The following CTNNA2 variants were observed in gnomAD, a reference collection of about 807,000 sequenced individuals.
The protein encoded by CTNNA2 is catenin alpha 2, also known as catenin alpha-2.
Under a neutral mutation model 101.0 loss-of-function variants are expected in CTNNA2, and 42 were observed. The observed-to-expected ratio is 0.42, with a 90% CI of 0.32 to 0.54. The LOEUF (loss-of-function observed/expected upper bound fraction) is 0.54. CTNNA2 is among the 20% of genes least tolerant of loss of function. The pLI is 0.14. For missense variants in CTNNA2, 871 were observed against 1,223.1 expected (o/e 0.71, Z 4.29); for synonymous variants, 450 against 456.4 (o/e 0.99, Z 0.18).
intron 7 of CTNNA2, among the ~76,000 whole-genome samples, chr2:80,316,065 A>T (rs1678090322): frequency 6.6e-6 from 1 of 152,180 alleles, no homozygotes; most frequent in Admixed American, 6.5e-5. Context: ...CTTTCTTAGA[A>T]TTGCTATCTT....
chr2:79,241,093 GT>G (rs1674619925), intron 2 of CTNNA2, among the ~76,000 whole-genome samples: 1 of 152,058 alleles, frequency 6.6e-6, no homozygotes, highest in Non-Finnish European at 1.5e-5. Context: ...GATTTTAAAA[GT>G]TTCACACACT....
intron 7 of CTNNA2, chr2:80,030,625 TAAAC>T (rs1378456917): frequency 2.6e-5 from 4 of 152,126 alleles, no homozygotes; most frequent in African/African-American, 9.7e-5. Context: ...AATTAAACAA[TAAAC>T]AAAATCAACA....
At chr2:80,317,673 T>G (rs1678261730) in intron 7 of CTNNA2, among the ~76,000 whole-genome samples, 1 of 152,162 alleles carries the variant, frequency 6.6e-6, no homozygotes, top group Admixed American at 6.5e-5. Context: ...GCTGTTTGCG[T>G]AGAAAAAGAA....
intron 2 of CTNNA2, among the ~76,000 whole-genome samples, chr2:79,671,327 G>A (rs1682823882): frequency 6.6e-6 from 1 of 152,196 alleles, no homozygotes; most frequent in Admixed American, 6.5e-5. Flanking sequence ...AGCATAGAAT[G>A]GATGCTTTCA....
At chr2:80,063,060 A>C (rs1012849955) in intron 7 of CTNNA2, among the ~76,000 whole-genome samples, 2 of 152,188 alleles carry the variant, frequency 1.3e-5, no homozygotes, top group African/African-American at 4.8e-5. Flanking sequence ...CAAATACTTA[A>C]ACTTCTTCAA....
intron 6 of CTNNA2, among the ~76,000 whole-genome samples, chr2:79,891,264 G>A (rs1028329411): frequency 6.6e-6 from 1 of 152,102 alleles, no homozygotes; most frequent in Non-Finnish European, 1.5e-5. Context: ...TTGCATGGAA[G>A]TTAAGAATCG....
intron 6 of CTNNA2, among the ~76,000 whole-genome samples, chr2:79,888,087 A>G (rs954659034): frequency 1.3e-5 from 2 of 152,176 alleles, no homozygotes; most frequent in Non-Finnish European, 2.9e-5. Context: ...TGTTTAGTCT[A>G]CCTATGACAA....
intron 14 of CTNNA2, among the ~76,000 whole-genome samples, chr2:80,583,281 C>T (rs1425706753): frequency 1.3e-5 from 2 of 152,148 alleles, no homozygotes; most frequent in Non-Finnish European, 2.9e-5. Context: ...ATCATCCTTT[C>T]TAAGAGAAAT....
intron 2 of CTNNA2, among the ~76,000 whole-genome samples, chr2:79,731,309 T>G (rs1462714814): frequency 6.6e-6 from 1 of 152,072 alleles, no homozygotes; most frequent in Non-Finnish European, 1.5e-5. Flanking sequence ...TTAGACTTGT[T>G]TATTGAAGTG....
intron 7 of CTNNA2, among the ~76,000 whole-genome samples, chr2:80,137,057 G>A (rs1228602037): frequency 1.3e-5 from 2 of 152,144 alleles, no homozygotes; most frequent in African/African-American, 4.8e-5. Context: ...GTGGTACCCA[G>A]GAATTGCAAC....
intron 2 of CTNNA2, among the ~76,000 whole-genome samples, chr2:79,225,936 CT>C (rs1674403260): frequency 6.6e-6 from 1 of 152,156 alleles, no homozygotes; most frequent in South Asian, 2.1e-4. Context: ...TTTGCTACCT[CT>C]TTAAAATTAA....
intron 1 of CTNNA2, among the ~76,000 whole-genome samples, chr2:79,578,216 G>GT (rs899213025): frequency 9.2e-5 from 14 of 151,634 alleles, no homozygotes; most frequent in East Asian, 3.9e-4. Flanking sequence ...TATTTGGTGT[G>GT]TTTTTTTTCC....
At chr2:80,614,270 A>G (rs1229046225) in intron 17 of CTNNA2, among the ~76,000 whole-genome samples, 4 of 151,348 alleles carry the variant, frequency 2.6e-5, no homozygotes, top group Non-Finnish European at 5.9e-5. Flanking sequence ...CCAACCTGGG[A>G]TTGAAAATAT....
At chr2:80,639,966 G>A (rs1261055928) in intron 18 of CTNNA2, among the ~76,000 whole-genome samples, 1 of 152,024 alleles carries the variant, frequency 6.6e-6, no homozygotes, top group Non-Finnish European at 1.5e-5. Context: ...GCCAGGCGTG[G>A]TGGCACACAT....
chr2:79,661,294 A>G (rs1181170223), intron 2 of CTNNA2, among the ~76,000 whole-genome samples: 2 of 152,228 alleles, frequency 1.3e-5, no homozygotes, highest in Non-Finnish European at 2.9e-5. Flanking sequence ...TTTAGAATAC[A>G]AGCTAACTAT....
chr2:79,335,513 T>G (rs1676974738), intron 3 of CTNNA2, among the ~76,000 whole-genome samples: 1 of 152,214 alleles, frequency 6.6e-6, no homozygotes, highest in South Asian at 2.1e-4. Context: ...ACAAATTCAC[T>G]TCCTCAATTT....
chr2:80,240,731 GA>G (rs1390175832), intron 7 of CTNNA2, among the ~76,000 whole-genome samples: 1 of 152,098 alleles, frequency 6.6e-6, no homozygotes, highest in Admixed American at 6.6e-5. Context: ...TCTCATATGG[GA>G]ATGTAAGATC....
chr2:80,207,490 G>A (rs556721962), intron 7 of CTNNA2, among the ~76,000 whole-genome samples: 1 of 152,218 alleles, frequency 6.6e-6, no homozygotes, highest in Non-Finnish European at 1.5e-5. Flanking sequence ...AAATAATCCA[G>A]TGAAGAGATG....
rs1309232901 is a variant in CTNNA2, at chr2:79,938,745, G to C, written c.1056+28948G>C. Among the ~76,000 whole-genome samples the C allele has an allele frequency of 2.0e-5, 3 of 152,244 alleles. No individual in the cohort carries two copies. The East Asian group carries it at 5.8e-4, about 29-fold the overall frequency. ...TAAAAGTATTATCTAGAACACTTTAGGGCACAATGTGTAGTAATGTAGTTA... is the reference window on the plus strand; with the variant it reads ...TAAAAGTATTATCTAGAACACTTTACGGCACAATGTGTAGTAATGTAGTTA... On this transcript the variant is annotated intron_variant, in intron 7 of 18. Transcript: ENST00000402739.
Sources: gnomAD v4.1 joint callset for allele counts (sites outside exome capture counted in the v4.1 genomes callset) on GRCh38, gnomAD v4.1.1 for gene constraint, MANE v1.5 for transcripts, NCBI Gene and HGNC (gene_info 2026-07-23, HGNC 2026-07-21) for gene names.